ERICH1: variants seen among roughly 807,000 people sequenced by gnomAD.
ERICH1 encodes the protein glutamate rich 1, also known as glutamate-rich protein 1.
In ERICH1, 56 loss-of-function variants were observed where a neutral mutation model predicts 39.6. The ratio of observed to expected loss-of-function variants is 1.41; its 90% CI spans 1.14 to 1.77. The LOEUF is 1.77. Among genes scored for constraint, ERICH1 ranks in the 40% most tolerant of loss-of-function variants. The pLI is 0.00. For missense variants in ERICH1, 826 were observed against 575.4 expected (o/e 1.44, Z -4.45); for synonymous variants, 313 against 223.6 (o/e 1.40, Z -3.57).
chr8:668,779 A>G lies in ERICH1; in HGVS notation c.1077T>C (p.Asp359=), dbSNP rs760113812. 6.2e-7 allele frequency: 1 copy of G among 1,606,518 alleles called. No homozygotes were observed. Among genetic ancestry groups the G allele is most frequent in the South Asian group, 1.1e-5 (1 of 90,232 alleles). Residue 359 remains aspartate (D), a synonymous_variant, in exon 5 of 6, where the codon GAT becomes GAC. Transcript: ENST00000262109. ...CATCTGCGAGGGCAGCTGAAGCTGC[A>G]TCTCTGGAGACACCTACATAAAGTC... is the stretch of plus-strand genomic sequence containing the variant. ...EMYFYDGVSR[D]AASAALADAA... is the part of the protein sequence containing the mutation.
intron 3 of ERICH1, chr8:626,699 TTCC>T: frequency 5.8e-6 from 1 of 172,842 alleles, no homozygotes. Flanking sequence ...CTAGAGGGTG[TTCC>T]AGCTGGCGTC....
In ERICH1 at chr8:673,992, CTTTGA is replaced by C. The variant is rs775923296; in HGVS notation, c.355_359del (p.Ser119GlufsTer4). The C allele has an allele frequency of 1.7e-5, 27 of 1,586,124 alleles. No homozygotes were observed. Among genetic ancestry groups the C allele is most frequent in the Non-Finnish European group, 2.3e-5 (27 of 1,174,652 alleles). ...CATTATTGGGATTTTTAAATTTTTTCTTTGATTTATGCTTCCTAATTCTTCTTCTC... is the reference window on the plus strand; with the variant it reads ...CATTATTGGGATTTTTAAATTTTTTCTTTATGCTTCCTAATTCTTCTTCTC... On this transcript the variant is annotated frameshift_variant, in exon 4 of 6. Transcript: ENST00000262109. LOFTEE classifies it high-confidence loss of function.
chr8:664,666 T>C lies in ERICH1; in HGVS notation c.1269A>G (p.Arg423=). The change falls in exon 6 of 6, where the codon AGA becomes AGG. Residue 423 remains arginine, a synonymous_variant. Coordinates refer to ENST00000262109, the MANE Select transcript of ERICH1 (RefSeq NM_207332.3). ...AGTAACTAAAGAAAGCTGAGATTAC[T>C]CTGGCATGGTCTAGAAAGCAAAAAA... ...EHCTMPPDHA[R]VISAFFSYWI... 2 of 1,610,900 alleles carry C rather than the reference T, an allele frequency of 1.2e-6. No individual in the cohort carries two copies. Among genetic ancestry groups the C allele is most frequent in the East Asian group, 2.2e-5 (1 of 44,850 alleles).
At chr8:682,057 G>C (rs1044909726) in intron 3 of ERICH1, among the ~76,000 whole-genome samples, 3 of 96,638 alleles carry the variant, frequency 3.1e-5, no homozygotes, top group Non-Finnish European at 6.2e-5. Context: ...CTTGGCTACA[G>C]ATTCCCACTT....
At chr8:658,951 T>A (rs1237244369) in intron 3 of ERICH1, among the ~76,000 whole-genome samples, 2 of 152,206 alleles carry the variant, frequency 1.3e-5, no homozygotes, top group East Asian at 3.9e-4. Context: ...TTTCAGGAGC[T>A]GGGACTCCAT....
intron 2 of ERICH1, among the ~76,000 whole-genome samples, chr8:695,521 ACCTGTGCTTG>A (rs1809971856): frequency 2.5e-5 from 3 of 122,444 alleles, no homozygotes; most frequent in Non-Finnish European, 5.5e-5. Context: ...ATCAGCCTGC[ACCTGTGCTTG>A]CTCCTCTCGC....
At chr8:658,255 T>TTGCC (rs1331519501) in intron 3 of ERICH1, among the ~76,000 whole-genome samples, 2 of 152,094 alleles carry the variant, frequency 1.3e-5, no homozygotes, top group African/African-American at 4.8e-5. Context: ...CCCTTCTCAT[T>TTGCC]TGCCCCCAGG....
intron 3 of ERICH1, among the ~76,000 whole-genome samples, chr8:658,879 C>T (rs1296422449): frequency 3.3e-5 from 5 of 152,206 alleles, no homozygotes; most frequent in East Asian, 1.9e-4. Context: ...CCTCCCTGGC[C>T]GTCCTTCCTC....
intron 3 of ERICH1, among the ~76,000 whole-genome samples, chr8:682,072 A>T (rs11777181): frequency 1 from 152,030 of 152,030 alleles, 76,015 homozygotes; most frequent in Non-Finnish European, 1. Context: ...CCACTTTTCC[A>T]TGATGAGTAG....
intron 5 of ERICH1, among the ~76,000 whole-genome samples, chr8:665,185 C>T (rs1440508736): frequency 6.8e-6 from 1 of 146,032 alleles, no homozygotes; most frequent in African/African-American, 2.6e-5. Flanking sequence ...CGCGATGCCA[C>T]AATCGCCCCT....
In ERICH1 at chr8:715,791, C is replaced by T. The variant is rs1815811142; in HGVS notation, c.169+70G>A. On this transcript the variant is annotated intron_variant, in intron 2 of 5. Transcript: ENST00000262109. ...CCCGAGGCCCAAAAGACACATTCTC[C>T]AAGGCAAGTGATGATGACGGAGGTT... 3 of 1,546,916 alleles carry T rather than the reference C, an allele frequency of 1.9e-6. No homozygotes were observed. The African/African-American group carries it at 4.1e-5, about 21-fold the overall frequency.
At chr8:728,716 C>A (rs904890107) in intron 1 of ERICH1, among the ~76,000 whole-genome samples, 21 of 152,332 alleles carry the variant, frequency 1.4e-4, no homozygotes, top group African/African-American at 4.8e-4. Flanking sequence ...CTCTCAGAGG[C>A]TTGCAAAGTA....
intron 1 of ERICH1, among the ~76,000 whole-genome samples, chr8:716,356 T>C (rs1283367187): frequency 6.6e-6 from 1 of 152,236 alleles, no homozygotes; most frequent in African/African-American, 2.4e-5. Context: ...ATGCAGGCCA[T>C]GACCCCTGTC....
chr8:621,633 A>G (rs969342086), intron 3 of ERICH1, among the ~76,000 whole-genome samples: 9 of 152,138 alleles, frequency 5.9e-5, no homozygotes, highest in Non-Finnish European at 1.2e-4. Context: ...TAGAAAAACA[A>G]TAGAGAAATC....
intron 3 of ERICH1, among the ~76,000 whole-genome samples, chr8:689,323 C>T (rs1210477803): frequency 6.6e-6 from 1 of 152,214 alleles, no homozygotes; most frequent in African/African-American, 2.4e-5. Flanking sequence ...GTTGGCCAGG[C>T]TGTTCTCAAA....
At chr8:640,350 CT>C (rs1453946704) in intron 3 of ERICH1, among the ~76,000 whole-genome samples, 1 of 152,232 alleles carries the variant, frequency 6.6e-6, no homozygotes, top group East Asian at 1.9e-4. Flanking sequence ...CTCTCTCCGC[CT>C]GCTTATGTTT....
At chr8:615,106 C>T (rs1796845655) in exon 4 of ERICH1, 3 of 601,338 alleles carry the variant, frequency 5.0e-6, no homozygotes, top group Admixed American at 3.1e-5. Flanking sequence ...CCTTGCAAAG[C>T]TTGCTGCATC....
chr8:636,242 C>A (rs1336642709), intron 3 of ERICH1, among the ~76,000 whole-genome samples: 1 of 152,228 alleles, frequency 6.6e-6, no homozygotes, highest in Non-Finnish European at 1.5e-5. Context: ...CCGAGCTGGG[C>A]GTTCACAGCC....
At chr8:680,320 G>C (rs1314574323) in intron 3 of ERICH1, among the ~76,000 whole-genome samples, 1 of 85,774 alleles carries the variant, frequency 1.2e-5, no homozygotes. Flanking sequence ...CACAGAAGAT[G>C]CAAGAGAATC....
Sources: gnomAD v4.1 joint callset for allele counts (sites outside exome capture counted in the v4.1 genomes callset) on GRCh38, gnomAD v4.1.1 for gene constraint, MANE v1.5 for transcripts, NCBI Gene and HGNC (gene_info 2026-07-23, HGNC 2026-07-21) for gene names.